The following GDPD4 variants were observed in gnomAD, a reference collection of about 807,000 sequenced individuals.
GDPD4 encodes the protein glycerophosphodiester phosphodiesterase domain containing 4.
A neutral mutation model predicts 67.8 loss-of-function variants in GDPD4; 60 were observed. The observed-to-expected ratio is 0.88, with a 90% CI of 0.72 to 1.10. The LOEUF (loss-of-function observed/expected upper bound fraction) is 1.10, where lower values mean the gene tolerates loss of function less well. GDPD4 is among the 50% of genes least tolerant of loss of function. GDPD4 has a pLI of 0.00. For synonymous variants in GDPD4, 212 were observed against 210.9 expected (o/e 1.00, Z -0.04); for missense variants, 623 against 613.9 (o/e 1.01, Z -0.16).
intron 1 of GDPD4, among the ~76,000 whole-genome samples, chr11:77,298,250 G>A (rs552825172): frequency 6.6e-6 from 1 of 152,258 alleles, no homozygotes; most frequent in Non-Finnish European, 1.5e-5. Flanking sequence ...GCTGACTCAC[G>A]CTTGTAATCC....
At chr11:77,271,005 A>T (rs1230121966) in intron 7 of GDPD4, 125 bp downstream of exon 7, 1 of 675,622 alleles carries the variant, frequency 1.5e-6, no homozygotes, top group African/African-American at 1.8e-5. Flanking sequence ...CCTGAGTAAC[A>T]AGCTAAATGA....
chr11:77,227,322 C>T (rs762419154), intron 16 of GDPD4, among the ~76,000 whole-genome samples: 6 of 152,184 alleles, frequency 3.9e-5, no homozygotes, highest in East Asian at 1.9e-4. Context: ...ATTCCAGGAC[C>T]GCTGAAGTTT....
chr11:77,218,662 G>A (rs2212990), intron 16 of GDPD4, among the ~76,000 whole-genome samples: 138,031 of 152,176 alleles, frequency 0.91, 62,907 homozygotes, highest in Non-Finnish European at 0.96. Flanking sequence ...TCCTTGTGAT[G>A]GTTTGCTCAG....
In GDPD4 at chr11:77,253,611, T is replaced by C. The variant is rs181841732; in HGVS notation, c.864+4775A>G. 2.6e-5 allele frequency among the ~76,000 whole-genome samples: 4 copies of C among 152,240 alleles called. No individual in the cohort carries two copies. In the East Asian group the frequency reaches 7.7e-4, roughly 29 times the overall value. On this transcript the variant is annotated intron_variant, in intron 11 of 16. Coordinates refer to ENST00000315938, the MANE Select transcript of GDPD4 (RefSeq NM_182833.3). ...TTTCCCTGGGATGAAGGGTACTATGTTAGCTCAGCCATGGAACGTGCAGTT... is the reference window on the plus strand; with the variant it reads ...TTTCCCTGGGATGAAGGGTACTATGCTAGCTCAGCCATGGAACGTGCAGTT...
chr11:77,279,892 A>C (rs1000981231), intron 3 of GDPD4, among the ~76,000 whole-genome samples: 1 of 152,196 alleles, frequency 6.6e-6, no homozygotes, highest in Non-Finnish European at 1.5e-5. Flanking sequence ...ATGATTTGTT[A>C]GGAGAAACAA....
At chr11:77,268,807 G>T (rs892507486) in intron 9 of GDPD4, 117 bp downstream of exon 9, 2 of 1,054,186 alleles carry the variant, frequency 1.9e-6, no homozygotes, top group Non-Finnish European at 2.8e-6. Context: ...CTTTATTCTT[G>T]CCATCTTAAT....
At position 77,283,462 on chromosome 11, in the gene GDPD4, T is replaced by C. The variant is rs1959849367; in HGVS notation, c.53+1623A>G. Among the ~76,000 whole-genome samples the C allele has an allele frequency of 2.0e-5, 3 of 152,310 alleles. No individual in the cohort carries two copies. The South Asian group carries it at 6.2e-4, about 32-fold the overall frequency. The stretch of plus-strand genomic sequence containing the variant: ...GCAGAAAGATTTGGATATTAGACTT[T>C]GCATAAACCTTATCAACTATGGATC... On this transcript the variant is annotated intron_variant, in intron 3 of 16. Transcript: ENST00000315938.
chr11:77,266,695 T>C (rs1259651530), intron 10 of GDPD4, among the ~76,000 whole-genome samples: 2 of 152,144 alleles, frequency 1.3e-5, no homozygotes, highest in African/African-American at 4.8e-5. Flanking sequence ...ATCCTGACCC[T>C]GTGTAAGCCT....
intron 4 of GDPD4, among the ~76,000 whole-genome samples, chr11:77,276,902 T>A (rs186152385): frequency 7.6e-4 from 116 of 152,226 alleles, no homozygotes; most frequent in African/African-American, 2.7e-3. Flanking sequence ...TATTAAATAT[T>A]ATCATTCTTA....
chr11:77,294,960 C>CTT (rs144796072), intron 1 of GDPD4, among the ~76,000 whole-genome samples: 137 of 66,354 alleles, frequency 2.1e-3, no homozygotes, highest in South Asian at 4.9e-3. Flanking sequence ...TACAACTTTG[C>CTT]TTTTTTTTTT....
Position 77,299,949 on chromosome 11 carries a change from G to A in GDPD4, c.-254+1656C>T, listed in dbSNP as rs139163319. On this transcript the variant is annotated intron_variant, in intron 1 of 16. Transcript: ENST00000315938. Reference sequence around the variant, plus strand: ...TAAAAGCAATACTAGAGACAAAGAGGGACATTTCATAATGTGAAAAAACAA... The same window carrying A: ...TAAAAGCAATACTAGAGACAAAGAGAGACATTTCATAATGTGAAAAAACAA... Among the ~76,000 whole-genome samples, 1,296 of 152,130 alleles carry A rather than the reference G, an allele frequency of 8.5e-3. 30 individuals are homozygous for A. Among genetic ancestry groups the A allele is most frequent in the African/African-American group, 0.03 (1,235 of 41,484 alleles).
In GDPD4 at chr11:77,300,633, C is replaced by T. The variant is rs141437984; in HGVS notation, c.-254+972G>A. Among the ~76,000 whole-genome samples, 1,268 of 152,096 alleles carry T rather than the reference C, an allele frequency of 8.3e-3. 25 individuals are homozygous for T. Among genetic ancestry groups the T allele is most frequent in the African/African-American group, 0.028 (1,154 of 41,492 alleles). On this transcript the variant is annotated intron_variant, in intron 1 of 16. Transcript: ENST00000315938. ...AACATTTATAGAACACTGTACTCAA[C>T]AAATGCAGAGTGTACTTTAAAATGG...
chr11:77,296,443 C>T (rs887091681), intron 1 of GDPD4, among the ~76,000 whole-genome samples: 2 of 150,826 alleles, frequency 1.3e-5, no homozygotes, highest in African/African-American at 4.9e-5. Context: ...ACCTCAGCCT[C>T]CTGAGTAGCT....
chr11:77,283,256 C>T (rs1325234076), intron 3 of GDPD4, among the ~76,000 whole-genome samples: 1 of 152,186 alleles, frequency 6.6e-6, no homozygotes, highest in Non-Finnish European at 1.5e-5. Context: ...CCTGGAAGAG[C>T]AATTCCAAAA....
intron 1 of GDPD4, among the ~76,000 whole-genome samples, chr11:77,293,589 CAAA>C (rs35700863): frequency 0.027 from 3,820 of 139,524 alleles, 156 homozygotes; most frequent in African/African-American, 0.09. Flanking sequence ...GACCTTGTCT[CAAA>C]AAAAAAAAAA....
At chr11:77,252,231 T>A (rs1958919289) in intron 11 of GDPD4, among the ~76,000 whole-genome samples, 1 of 151,968 alleles carries the variant, frequency 6.6e-6, no homozygotes, top group Non-Finnish European at 1.5e-5. Context: ...CCTGGCTAAT[T>A]TCTGTGTTTT....
chr11:77,295,946 T>C (rs1382253472), intron 1 of GDPD4, among the ~76,000 whole-genome samples: 1 of 151,972 alleles, frequency 6.6e-6, no homozygotes, highest in African/African-American at 2.4e-5. Flanking sequence ...TGTATGCAAA[T>C]TTTATCTTAA....
intron 1 of GDPD4, among the ~76,000 whole-genome samples, chr11:77,290,357 A>G (rs915970187): frequency 2.6e-5 from 4 of 152,226 alleles, no homozygotes; most frequent in Non-Finnish European, 5.9e-5. Flanking sequence ...GATAGACTAC[A>G]TGTTAGGTCA....
At chr11:77,270,904 C>A in intron 7 of GDPD4, 2 of 483,756 alleles carry the variant, frequency 4.1e-6, no homozygotes, top group Non-Finnish European at 7.2e-6. Context: ...AAAAGAATCC[C>A]TCTTTAGAAG....
Sources: allele counts gnomAD v4.1 joint callset (sites outside exome capture counted in the v4.1 genomes callset), GRCh38; gene constraint gnomAD v4.1.1; transcripts MANE v1.5; gene names NCBI Gene and HGNC (gene_info 2026-07-23, HGNC 2026-07-21).